FHIP1A: variants seen among roughly 807,000 people sequenced by gnomAD.
FHIP1A encodes FHF complex subunit HOOK interacting protein 1A, also known as FHF complex subunit HOOK-interacting protein 1A.
In FHIP1A, 61 loss-of-function variants were observed where a neutral mutation model predicts 88.6. The observed-to-expected ratio is 0.69, with a 90% CI of 0.56 to 0.85. FHIP1A has a LOEUF of 0.85. Among genes scored for constraint, FHIP1A ranks in the 40% least tolerant of loss-of-function variants. The pLI is 0.00. For synonymous variants in FHIP1A, 478 were observed against 496.0 expected, an observed-to-expected ratio of 0.96 and a Z score of 0.48; for missense variants, 1,154 against 1,273.5, an observed-to-expected ratio of 0.91 and a Z score of 1.43.
intron 1 of FHIP1A, among the ~76,000 whole-genome samples, chr4:151,441,061 C>T (rs1728394162): frequency 6.6e-6 from 1 of 152,130 alleles, no homozygotes; most frequent in South Asian, 2.1e-4. Context: ...ATGAAGCCCC[C>T]CTATCATGTT....
At chr4:151,646,087 A>G (rs9631757) in intron 9 of FHIP1A, among the ~76,000 whole-genome samples, 14,540 of 152,264 alleles carry the variant, frequency 0.095, 1,232 homozygotes, top group South Asian at 0.3. Flanking sequence ...GTGGTAGCAC[A>G]TTATATTCAG....
chr4:151,638,638 C>A, intron 8 of FHIP1A, 39 bp from the exon 9 acceptor site: 1 of 1,281,282 alleles, frequency 7.8e-7, no homozygotes, highest in Non-Finnish European at 1.1e-6. Context: ...AGTTATCGTT[C>A]CAACATCTGA....
chr4:151,410,382 C>G (rs929739700), intron 1 of FHIP1A, among the ~76,000 whole-genome samples: 1 of 152,204 alleles, frequency 6.6e-6, no homozygotes, highest in African/African-American at 2.4e-5. Context: ...TGTTGCTTCC[C>G]TATAGATTGG....
chr4:151,560,558 G>T (rs77187952), intron 3 of FHIP1A, among the ~76,000 whole-genome samples: 2 of 151,970 alleles, frequency 1.3e-5, no homozygotes, highest in African/African-American at 4.8e-5. Flanking sequence ...TTTTTTCTGC[G>T]TTTACCTTAG....
In FHIP1A at chr4:151,629,763, C is replaced by G; in HGVS notation, c.1040C>G (p.Ser347Cys). The part of the protein sequence containing the change: ...AYLDLFLRSI[S>C]EPALLEIFLR... ...CTGGACCTTTTCCTGCGTAGCATCT[C>G]CGAGCCAGCACTACTTGAGATCTTC... The change falls in exon 8 of 14, where the codon TCC becomes TGC. Residue 347 changes from serine to cysteine, a missense_variant. Ser to Cys is a moderately radical substitution (Grantham distance 112). Coordinates refer to ENST00000435205, the MANE Select transcript of FHIP1A (RefSeq NM_001109977.3). 6.4e-7 allele frequency: 1 copy of G among 1,551,466 alleles called. No individual in the cohort carries two copies. The highest frequency in any genetic ancestry group is 8.7e-7 in the Non-Finnish European group (1 of 1,146,834).
chr4:151,646,452 A>G, intron 9 of FHIP1A, 106 bp from the exon 10 acceptor site: 1 of 684,282 alleles, frequency 1.5e-6, no homozygotes, highest in Non-Finnish European at 2.5e-6. Context: ...CTGAGAGAGG[A>G]TGAGTCTGCC....
intron 3 of FHIP1A, among the ~76,000 whole-genome samples, chr4:151,530,936 C>A (rs1054328945): frequency 1.0e-4 from 8 of 79,924 alleles, no homozygotes; most frequent in South Asian, 3.7e-4. Flanking sequence ...ATAATTGCCA[C>A]ATTTCTTTCT....
chr4:151,645,731 GT>G lies in FHIP1A; in HGVS notation c.1227-819del, dbSNP rs979029511. On this transcript the variant is annotated intron_variant, in intron 9 of 13. Transcript: ENST00000435205. The stretch of plus-strand genomic sequence containing the variant: ...CCATTTTTGTTTAAATAAGCAGTAT[GT>G]TTTTTTTCCCTGTTAAGAAAGTAAG... Among the ~76,000 whole-genome samples, 6 of 151,130 alleles carry G rather than the reference GT, an allele frequency of 4.0e-5. No homozygotes were observed. In the East Asian group the frequency reaches 5.8e-4, roughly 15 times the overall value.
At chr4:151,540,310 C>A (rs1479065738) in intron 3 of FHIP1A, among the ~76,000 whole-genome samples, 1 of 152,160 alleles carries the variant, frequency 6.6e-6, no homozygotes, top group African/African-American at 2.4e-5. Context: ...CCAAGACTAG[C>A]CTGCAGCCAA....
intron 1 of FHIP1A, among the ~76,000 whole-genome samples, chr4:151,433,142 G>A (rs1219539239): frequency 2.0e-5 from 3 of 152,076 alleles, no homozygotes; most frequent in Admixed American, 6.6e-5. Context: ...GAGGAAATGC[G>A]ATGAAGGTTT....
intron 1 of FHIP1A, among the ~76,000 whole-genome samples, chr4:151,427,008 T>G (rs1733404744): frequency 6.6e-6 from 1 of 152,150 alleles, no homozygotes; most frequent in Non-Finnish European, 1.5e-5. Flanking sequence ...GTGTAATATT[T>G]CCTAAAACAC....
At chr4:151,586,544 GTTTT>G in intron 5 of FHIP1A, 93 bp from the exon 6 acceptor site, 1 of 977,478 alleles carries the variant, frequency 1.0e-6, no homozygotes, top group Non-Finnish European at 1.5e-6. Flanking sequence ...TAAAGATATA[GTTTT>G]GGGACCAGCA....
intron 3 of FHIP1A, chr4:151,534,815 C>G (rs191007819): frequency 6.6e-6 from 1 of 152,128 alleles, no homozygotes; most frequent in African/African-American, 2.4e-5. Context: ...TTGAGGAGTC[C>G]GTTTACATCA....
chr4:151,466,095 C>T (rs1043256125), intron 2 of FHIP1A, among the ~76,000 whole-genome samples: 1 of 152,020 alleles, frequency 6.6e-6, no homozygotes, highest in Non-Finnish European at 1.5e-5. Context: ...TCGTCTCAGC[C>T]CAAAAACTCC....
At chr4:151,512,184 G>T (rs1252161138) in intron 3 of FHIP1A, among the ~76,000 whole-genome samples, 4 of 152,186 alleles carry the variant, frequency 2.6e-5, no homozygotes, top group African/African-American at 4.8e-5. Flanking sequence ...ACAGGGTCTG[G>T]AGTGGACCTC....
At chr4:151,628,826 C>G (rs1454947983) in intron 7 of FHIP1A, among the ~76,000 whole-genome samples, 1 of 152,090 alleles carries the variant, frequency 6.6e-6, no homozygotes, top group Non-Finnish European at 1.5e-5. Flanking sequence ...GGAATGACCT[C>G]TATTCATCAA....
intron 1 of FHIP1A, among the ~76,000 whole-genome samples, chr4:151,434,149 TG>T (rs1333492927): frequency 6.6e-6 from 1 of 152,240 alleles, no homozygotes; most frequent in East Asian, 1.9e-4. Context: ...TAAGACTTCA[TG>T]GTCTCCATTT....
In FHIP1A at chr4:151,668,864, C is replaced by G. The variant is rs1255161299; in HGVS notation, c.*6110C>G. 8.9e-6 allele frequency among the ~76,000 whole-genome samples: 1 copy of G among 112,128 alleles called. No individual in the cohort carries two copies. The highest frequency in any genetic ancestry group is 1.9e-5 in the Non-Finnish European group (1 of 52,942). 73.6% of individuals were successfully genotyped at this position (112,128 alleles called of 152,430 possible). A position where few individuals can be genotyped will look rare whatever the true frequency, so the allele number is the denominator to read the frequency against. On this transcript the variant is annotated 3_prime_UTR_variant, in exon 14 of 14. Transcript: ENST00000435205. Reference sequence around the variant, plus strand: ...ACCAGGCAGAGCTGGTTCAAGCCAGCCTGGGGCAGAGCCAGTTTTCCAGCA... The same window carrying G: ...ACCAGGCAGAGCTGGTTCAAGCCAGGCTGGGGCAGAGCCAGTTTTCCAGCA...
At chr4:151,562,206 C>G (rs1049186254) in intron 3 of FHIP1A, among the ~76,000 whole-genome samples, 1 of 152,130 alleles carries the variant, frequency 6.6e-6, no homozygotes, top group African/African-American at 2.4e-5. Context: ...ACCCTTTGTT[C>G]CCTACTTTAA....
Sources: gnomAD v4.1 joint callset for allele counts (sites outside exome capture counted in the v4.1 genomes callset) on GRCh38, gnomAD v4.1.1 for gene constraint, MANE v1.5 for transcripts, NCBI Gene and HGNC (gene_info 2026-07-23, HGNC 2026-07-21) for gene names.